BTRC: variants seen among roughly 807,000 people sequenced by gnomAD.
BTRC encodes the protein F-box/WD repeat-containing protein 1A.
In BTRC, 42 loss-of-function variants were observed where a neutral mutation model predicts 85.5. The ratio of observed to expected loss-of-function variants is 0.49; its 90% confidence interval spans 0.38 to 0.64. The LOEUF is 0.64. BTRC is among the 30% of genes least tolerant of loss of function. The pLI is 0.00. For missense variants in BTRC, 594 were observed against 743.5 expected (o/e 0.80, Z 2.34); for synonymous variants, 255 against 263.3 (o/e 0.97, Z 0.30).
At chr10:101,429,141 A>G (rs1432172067) in intron 1 of BTRC, among the ~76,000 whole-genome samples, 1 of 152,226 alleles carries the variant, frequency 6.6e-6, no homozygotes, top group Non-Finnish European at 1.5e-5. Context: ...ACTATATTTT[A>G]AAATATGTAT....
rs931146260 is a variant in BTRC at position 101,534,648 on chromosome 10, C to A, written c.1098-13C>A. On this transcript the variant is annotated splice_polypyrimidine_tract_variant and intron_variant, in intron 9 of 14. Transcript: ENST00000370187. ...AGCTTGAGTACCATCTAAATCTCAT[C>A]TATCACTTCCAGAGTGTGGGATGTA... The A allele has an allele frequency of 2.5e-6, 4 of 1,613,910 alleles. No individual in the cohort carries two copies.
intron 1 of BTRC, among the ~76,000 whole-genome samples, chr10:101,404,431 T>A (rs1377748974): frequency 6.6e-6 from 1 of 152,124 alleles, no homozygotes; most frequent in East Asian, 1.9e-4. Context: ...TTCCCCTTTT[T>A]AGTATACCAA....
chr10:101,418,980 G>T (rs1944023043), intron 1 of BTRC, among the ~76,000 whole-genome samples: 1 of 151,020 alleles, frequency 6.6e-6, no homozygotes, highest in Non-Finnish European at 1.5e-5. Flanking sequence ...TAGCATACAT[G>T]TAACATCTCA....
chr10:101,394,703 C>T (rs537718521), intron 1 of BTRC, among the ~76,000 whole-genome samples: 2 of 152,282 alleles, frequency 1.3e-5, no homozygotes, highest in African/African-American at 4.8e-5. Flanking sequence ...GGGTATAACA[C>T]TCTTGAGAAG....
chr10:101,553,115 A>T (rs1319534124), intron 14 of BTRC, 40 bp from the exon 15 acceptor site: 1 of 152,662 alleles, frequency 6.6e-6, no homozygotes, highest in Non-Finnish European at 1.5e-5. Flanking sequence ...AAGAAATATC[A>T]AAAAAGGGGC....
At chr10:101,540,914 G>A (rs1370489784) in intron 13 of BTRC, among the ~76,000 whole-genome samples, 1 of 152,132 alleles carries the variant, frequency 6.6e-6, no homozygotes, top group African/African-American at 2.4e-5. Flanking sequence ...CAGCCACGTT[G>A]TAGCTTTTAG....
intron 4 of BTRC, among the ~76,000 whole-genome samples, chr10:101,497,733 C>T (rs1041239080): frequency 3.3e-5 from 5 of 151,712 alleles, no homozygotes; most frequent in East Asian, 2.0e-4. Context: ...AATAAATAAA[C>T]GAAGTTGGCT....
intron 1 of BTRC, among the ~76,000 whole-genome samples, chr10:101,388,738 AC>A (rs1213735869): frequency 2.0e-5 from 3 of 150,084 alleles, no homozygotes; most frequent in African/African-American, 7.4e-5. Flanking sequence ...CAATCTGCCC[AC>A]CTCAGCCTCT....
chr10:101,447,798 A>C (rs1473642253), intron 2 of BTRC, among the ~76,000 whole-genome samples: 1 of 152,178 alleles, frequency 6.6e-6, no homozygotes, highest in Non-Finnish European at 1.5e-5. Flanking sequence ...TTTCAGTGCT[A>C]CAACGATTAT....
Position 101,485,961 on chromosome 10 carries a change from A to G in BTRC, c.324+6504A>G, listed in dbSNP as rs527496494. On this transcript the variant is annotated intron_variant, in intron 4 of 14. Transcript: ENST00000370187. ...GATCACATGGCTTCTCCAAAAGTCA[A>G]ACGATCAATTCGCCTCGTTTTGGCT... 1.2e-4 allele frequency among the ~76,000 whole-genome samples: 19 copies of G among 152,318 alleles called. 1 individual carries two copies. In the East Asian group the frequency reaches 3.5e-3, roughly 28 times the overall value.
chr10:101,373,066 T>C (rs887015736), intron 1 of BTRC, among the ~76,000 whole-genome samples: 1 of 152,230 alleles, frequency 6.6e-6, no homozygotes, highest in Non-Finnish European at 1.5e-5. Flanking sequence ...TTTTGTTAAA[T>C]TATTCCTAGG....
chr10:101,459,754 A>G (rs1158900107), intron 2 of BTRC, among the ~76,000 whole-genome samples: 7 of 152,310 alleles, frequency 4.6e-5, no homozygotes, highest in South Asian at 2.1e-4. Context: ...AGACATTTTC[A>G]TAATACCCAC....
rs755481178 is a variant in BTRC at position 101,549,713 on chromosome 10, C to CAAAAAAAAAAAAAA, written c.1657-976_1657-963dup. 7.4e-3 allele frequency among the ~76,000 whole-genome samples: 317 copies of CAAAAAAAAAAAAAA among 42,738 alleles called. 60 individuals carry two copies. Among genetic ancestry groups the CAAAAAAAAAAAAAA allele is most frequent in the East Asian group, 0.042 (33 of 792 alleles). The allele number at this position is 42,738 out of a possible 152,430, so 28.0% of individuals were successfully genotyped here. A position where few individuals can be genotyped will look rare whatever the true frequency, so the allele number is the denominator to read the frequency against. ...GGGGCGAAAGAGCGAGACTCTGTCT[C>CAAAAAAAAAAAAAA]AAAAAAAAAAAAAAAAAAAAAAAGA... On this transcript the variant is annotated intron_variant, in intron 13 of 14. Transcript: ENST00000370187.
intron 13 of BTRC, among the ~76,000 whole-genome samples, chr10:101,543,694 C>T (rs2062513104): frequency 6.6e-6 from 1 of 151,326 alleles, no homozygotes; most frequent in South Asian, 2.1e-4. Flanking sequence ...TGAGGAGGGA[C>T]CTAGGGTTTA....
intron 1 of BTRC, among the ~76,000 whole-genome samples, chr10:101,402,292 A>G (rs1943512243): frequency 4.6e-5 from 7 of 152,238 alleles, no homozygotes; most frequent in Admixed American, 4.6e-4. Flanking sequence ...TATACTTAGT[A>G]ACCCTGCTCT....
chr10:101,528,136 TC>T (rs2062227328), intron 6 of BTRC, among the ~76,000 whole-genome samples: 1 of 152,228 alleles, frequency 6.6e-6, no homozygotes, highest in African/African-American at 2.4e-5. Flanking sequence ...GGAGATTCAT[TC>T]CTTTAGCTAT....
intron 2 of BTRC, among the ~76,000 whole-genome samples, chr10:101,454,154 G>C (rs969367880): frequency 6.6e-6 from 1 of 152,146 alleles, no homozygotes; most frequent in African/African-American, 2.4e-5. Context: ...TGGACAGTCT[G>C]GGTTTAGGGT....
At chr10:101,431,789 A>G (rs1944410683) in intron 2 of BTRC, among the ~76,000 whole-genome samples, 1 of 152,222 alleles carries the variant, frequency 6.6e-6, no homozygotes, top group African/African-American at 2.4e-5. Flanking sequence ...TAGTGATCAT[A>G]AAGCTGGATA....
At chr10:101,437,397 C>T (rs2134099733) in intron 2 of BTRC, among the ~76,000 whole-genome samples, 1 of 152,232 alleles carries the variant, frequency 6.6e-6, no homozygotes, top group South Asian at 2.1e-4. Flanking sequence ...AATGACTTAT[C>T]CATCCATGTG....
Sources: gnomAD v4.1 joint callset for allele counts (sites outside exome capture counted in the v4.1 genomes callset) on GRCh38, gnomAD v4.1.1 for gene constraint, MANE v1.5 for transcripts, NCBI Gene and HGNC (gene_info 2026-07-23, HGNC 2026-07-21) for gene names.